The following KCNN2 variants were observed in gnomAD, a reference collection of about 807,000 sequenced individuals.
The protein encoded by KCNN2 is potassium calcium-activated channel subfamily N member 2.
KCNN2 carries 24 observed loss-of-function variants against 55.5 expected under a neutral mutation model. The ratio of observed to expected loss-of-function variants is 0.43; its 90% CI spans 0.31 to 0.61. The LOEUF (loss-of-function observed/expected upper bound fraction) is 0.61. Among genes scored for constraint, KCNN2 ranks in the 20% least tolerant of loss-of-function variants. The pLI is 0.08. For missense variants in KCNN2, 754 were observed against 853.6 expected, an observed-to-expected ratio of 0.88 and a Z score of 1.45; for synonymous variants, 431 against 336.1, an observed-to-expected ratio of 1.28 and a Z score of -3.09.
intron 2 of KCNN2, among the ~76,000 whole-genome samples, chr5:114,295,358 C>G (rs368441647): frequency 6.6e-6 from 1 of 152,176 alleles, no homozygotes; most frequent in African/African-American, 2.4e-5. Flanking sequence ...CCACCCAGTT[C>G]GAGCTTCCAG....
intron 2 of KCNN2, among the ~76,000 whole-genome samples, chr5:114,394,012 A>G (rs1177307822): frequency 6.6e-6 from 1 of 152,156 alleles, no homozygotes; most frequent in Non-Finnish European, 1.5e-5. Context: ...AAATATATTG[A>G]TATGACAGAT....
At chr5:114,274,294 T>A (rs1755435141) in intron 2 of KCNN2, among the ~76,000 whole-genome samples, 1 of 152,050 alleles carries the variant, frequency 6.6e-6, no homozygotes. Context: ...TTGTTCTTCT[T>A]GCCCAGGATT....
chr5:114,150,740 G>C (rs1434675692), intron 1 of KCNN2, among the ~76,000 whole-genome samples: 1 of 152,128 alleles, frequency 6.6e-6, no homozygotes, highest in Non-Finnish European at 1.5e-5. Context: ...AAATAAGCAA[G>C]GCCGGGCACA....
At chr5:114,085,021 A>G (rs1185033404) in intron 1 of KCNN2, among the ~76,000 whole-genome samples, 1 of 149,370 alleles carries the variant, frequency 6.7e-6, no homozygotes, top group African/African-American at 2.5e-5. Flanking sequence ...ATATATATAT[A>G]TATTTTCTGT....
chr5:114,340,442 A>G (rs986665573), intron 2 of KCNN2, among the ~76,000 whole-genome samples: 1 of 152,168 alleles, frequency 6.6e-6, no homozygotes, highest in African/African-American at 2.4e-5. Context: ...ATTCACACAC[A>G]CATAGACACA....
intron 2 of KCNN2, among the ~76,000 whole-genome samples, chr5:114,305,336 G>T (rs1756246477): frequency 6.6e-6 from 1 of 152,174 alleles, no homozygotes; most frequent in African/African-American, 2.4e-5. Flanking sequence ...CTGGAATGCA[G>T]GCAGGCCAAG....
chr5:114,333,717 T>G (rs1756870050), intron 2 of KCNN2, among the ~76,000 whole-genome samples: 1 of 152,102 alleles, frequency 6.6e-6, no homozygotes, highest in African/African-American at 2.4e-5. Flanking sequence ...AATAAAATAT[T>G]TATAAATTAA....
At chr5:114,163,014 C>A (rs1339368355) in intron 1 of KCNN2, among the ~76,000 whole-genome samples, 1 of 152,154 alleles carries the variant, frequency 6.6e-6, no homozygotes, top group Non-Finnish European at 1.5e-5. Flanking sequence ...CTGTTCTGCA[C>A]CCACTGTCTG....
chr5:114,164,517 T>C (rs1752866543), intron 1 of KCNN2, among the ~76,000 whole-genome samples: 1 of 152,132 alleles, frequency 6.6e-6, no homozygotes, highest in African/African-American at 2.4e-5. Context: ...TGAGGTGACA[T>C]GTGAGTGGAA....
At chr5:114,340,034 T>C (rs1261221482) in intron 2 of KCNN2, among the ~76,000 whole-genome samples, 1 of 152,132 alleles carries the variant, frequency 6.6e-6, no homozygotes, top group East Asian at 1.9e-4. Context: ...GATATATGAC[T>C]CAAGTCAGGA....
At chr5:114,286,742 A>G (rs913969974) in intron 2 of KCNN2, among the ~76,000 whole-genome samples, 46 of 152,234 alleles carry the variant, frequency 3.0e-4, no homozygotes, top group Admixed American at 1.5e-3. Context: ...AGTTTCTAGT[A>G]CAGAGAGAAA....
At chr5:114,187,688 A>G (rs1374614936) in intron 1 of KCNN2, among the ~76,000 whole-genome samples, 1 of 151,166 alleles carries the variant, frequency 6.6e-6, no homozygotes, top group East Asian at 2.0e-4. Flanking sequence ...TTATATTTTT[A>G]GGGGAGATGG....
chr5:114,283,948 T>C (rs1018678149), intron 2 of KCNN2, among the ~76,000 whole-genome samples: 1 of 152,140 alleles, frequency 6.6e-6, no homozygotes, highest in Non-Finnish European at 1.5e-5. Flanking sequence ...ACCCAAGAGG[T>C]CAGCTTGCCT....
chr5:114,389,507 TA>T (rs1339134271), intron 2 of KCNN2, among the ~76,000 whole-genome samples: 1 of 152,170 alleles, frequency 6.6e-6, no homozygotes, highest in Non-Finnish European at 1.5e-5. Flanking sequence ...ATACACCTTC[TA>T]GAATTGCTTC....
intron 2 of KCNN2, among the ~76,000 whole-genome samples, chr5:114,383,446 A>G (rs1758186487): frequency 1.3e-5 from 2 of 149,378 alleles, no homozygotes; most frequent in South Asian, 4.2e-4. Context: ...TAGAAGACAT[A>G]CTAAGCCCCA....
chr5:114,304,539 A>T (rs1429160477), intron 2 of KCNN2, among the ~76,000 whole-genome samples: 2 of 152,200 alleles, frequency 1.3e-5, no homozygotes, highest in Non-Finnish European at 2.9e-5. Context: ...TGACCAGGGC[A>T]GACTAGCGTG....
chr5:114,449,728 A>T (rs1372464589), intron 3 of KCNN2, among the ~76,000 whole-genome samples: 2 of 152,202 alleles, frequency 1.3e-5, no homozygotes, highest in Admixed American at 6.5e-5. Context: ...CTAGTTAAAA[A>T]TATCCACAGG....
chr5:114,225,218 C>A (rs1020957085), intron 2 of KCNN2, among the ~76,000 whole-genome samples: 2 of 152,140 alleles, frequency 1.3e-5, no homozygotes, highest in Non-Finnish European at 2.9e-5. Flanking sequence ...ATTTAAAGAT[C>A]TCATTAATTA....
intron 2 of KCNN2, among the ~76,000 whole-genome samples, chr5:114,365,266 CAG>C (rs1333469745): frequency 6.6e-6 from 1 of 152,070 alleles, no homozygotes; most frequent in Admixed American, 6.5e-5. Context: ...TGAGACTACT[CAG>C]AAATAAATTA....
Sources: gnomAD v4.1 joint callset for allele counts (sites outside exome capture counted in the v4.1 genomes callset) on GRCh38, gnomAD v4.1.1 for gene constraint, MANE v1.5 for transcripts, NCBI Gene and HGNC (gene_info 2026-07-23, HGNC 2026-07-21) for gene names.